TPR: variants seen among roughly 807,000 people sequenced by gnomAD.
TPR encodes nucleoprotein TPR.
TPR carries 51 observed loss-of-function variants against 316.1 expected under a neutral mutation model. The observed-to-expected ratio is 0.16, with a 90% CI of 0.13 to 0.20. The LOEUF (loss-of-function observed/expected upper bound fraction) is 0.20, where lower values mean the gene tolerates loss of function less well. Ranked by LOEUF, TPR falls within the 10% of genes least tolerant of loss-of-function variation. TPR has a pLI of 1.00. For synonymous variants in TPR, 981 were observed against 914.7 expected (o/e 1.07, Z -1.31); for missense variants, 2,272 against 2,754.8 (o/e 0.82, Z 3.92).
chr1:186,336,345 T>C, intron 33 of TPR, 151 bp downstream of exon 33: 1 of 718,668 alleles, frequency 1.4e-6, no homozygotes, highest in South Asian at 1.9e-5. Context: ...GCTCTTTGTG[T>C]CCAACTAATT....
rs989546150 is a variant in TPR, at chr1:186,364,387, A to C, written c.428-942T>G. Among the ~76,000 whole-genome samples the C allele has an allele frequency of 2.0e-5, 3 of 152,130 alleles. No individual in the cohort carries two copies. The South Asian group carries it at 6.2e-4, about 31-fold the overall frequency. ...CCAGTATATGGACCGTTGTTTAAAA[A>C]AAAAAAAAGAAATAAAAAGAAAATT... is the stretch of plus-strand genomic sequence containing the variant. On this transcript the variant is annotated intron_variant, in intron 4 of 50. Transcript: ENST00000367478.
chr1:186,356,876 C>G (rs1659044465), intron 14 of TPR, among the ~76,000 whole-genome samples: 1 of 152,212 alleles, frequency 6.6e-6, no homozygotes, highest in African/African-American at 2.4e-5. Context: ...CAGATAGGCA[C>G]TAATCACAGT....
At chr1:186,322,641 A>G in intron 43 of TPR, 55 bp from the exon 44 acceptor site, 1 of 1,554,848 alleles carries the variant, frequency 6.4e-7, no homozygotes, top group Non-Finnish European at 8.9e-7. Context: ...GCAATGAAAC[A>G]AACACCAAAT....
Position 186,313,904 on chromosome 1 carries a change from CTT to C in TPR, c.*65_*66del, listed in dbSNP as rs1657468861. On this transcript the variant is annotated 3_prime_UTR_variant, in exon 51 of 51. Transcript: ENST00000367478. ...GTTTATATATAAAAATGTTTTTAAA[CTT>C]GACAATCATTACACTAAAACAGATT... 2 of 1,561,340 alleles carry C rather than the reference CTT, an allele frequency of 1.3e-6. No homozygotes were observed. Among genetic ancestry groups the C allele is most frequent in the Middle Eastern group, 3.4e-4 (2 of 5,942 alleles).
intron 14 of TPR, chr1:186,356,681 A>G: frequency 2.3e-6 from 1 of 426,406 alleles, no homozygotes; most frequent in East Asian, 3.5e-5. Flanking sequence ...GTAAAAATTA[A>G]ATCAGTTCCA....
chr1:186,359,775 C>A, intron 12 of TPR, 24 bp downstream of exon 12: 1 of 1,568,002 alleles, frequency 6.4e-7, no homozygotes, highest in Non-Finnish European at 8.6e-7. Context: ...GTTACCACGG[C>A]TAAATTTTAG....
rs779932584 is a variant in TPR at position 186,318,566 on chromosome 1, C to G, written c.6702G>C (p.Ser2234=). Residue 2234 remains serine, a synonymous_variant, in exon 48 of 51, where the codon TCG becomes TCC. Transcript: ENST00000367478. ...TTGGAACAGATTGAGAGGCATGTTC[C>G]GAAGCATCAGAGGTGGTGCTCTCAG... ...VFTESTTSDA[S]EHASQSVPMV... The G allele has an allele frequency of 1.2e-6, 2 of 1,613,692 alleles. No individual in the cohort carries two copies. The highest frequency in any genetic ancestry group is 1.7e-6 in the Non-Finnish European group (2 of 1,179,920).
intron 4 of TPR, 115 bp from the exon 5 acceptor site, chr1:186,363,560 C>A: frequency 1.6e-6 from 1 of 641,518 alleles, no homozygotes; most frequent in Non-Finnish European, 2.6e-6. Flanking sequence ...CACAGCTGGC[C>A]CTTGAATAAC....
intron 43 of TPR, 64 bp from the exon 44 acceptor site, chr1:186,322,650 A>G: frequency 1.4e-6 from 2 of 1,477,924 alleles, no homozygotes; most frequent in South Asian, 2.3e-5. Flanking sequence ...CAAACACCAA[A>G]TATCAACAGA....
chr1:186,373,055 TAGAC>T lies in TPR; in HGVS notation c.256+300_256+303del, dbSNP rs1167899590. Among the ~76,000 whole-genome samples, 5 of 152,210 alleles carry T rather than the reference TAGAC, an allele frequency of 3.3e-5. No homozygotes were observed. The East Asian group carries it at 9.6e-4, about 29-fold the overall frequency. On this transcript the variant is annotated intron_variant, in intron 2 of 50. Transcript: ENST00000367478. ...CATTTGATTTACAAAGCTGTCTAGG[TAGAC>T]AGACATGTGGGTCTAACCATTTTAT...
chr1:186,312,650 C>T lies in TPR; in HGVS notation c.*1321G>A. 8.2e-6 allele frequency: 9 copies of T among 1,103,076 alleles called. No homozygotes were observed. Among genetic ancestry groups the T allele is most frequent in the Non-Finnish European group, 1.2e-5 (9 of 728,052 alleles). The allele number at this position is 1,103,076 out of a possible 1,614,324, so 68.3% of individuals were successfully genotyped here. A position where few individuals can be genotyped will look rare whatever the true frequency, so the allele number is the denominator to read the frequency against. ...AAGAACATTATATACCAGTCTATAA[C>T]CCTCAATAGTTCTACATCAGAGGGC... On this transcript the variant is annotated 3_prime_UTR_variant, in exon 51 of 51. Transcript: ENST00000367478.
At position 186,359,837 on chromosome 1, in the gene TPR, C is replaced by T; in HGVS notation, c.1351G>A (p.Val451Ile). ...REEYERAQKA[V>I]ASLSVKLEQA... Reference sequence around the variant, plus strand: ...TCAAGCTTAACAGATAAACTTGCTACAGCTTTCTGTGCACGTTCATATTCC... The same window carrying T: ...TCAAGCTTAACAGATAAACTTGCTATAGCTTTCTGTGCACGTTCATATTCC... The change falls in exon 12 of 51, where the codon GTA (valine) becomes ATA (isoleucine). Residue 451 changes from valine (V) to isoleucine (I), a missense_variant. Val to Ile is a conservative substitution (Grantham distance 29, BLOSUM62 3). Transcript: ENST00000367478. 6.3e-7 allele frequency: 1 copy of T among 1,589,196 alleles called. No homozygotes were observed. Among genetic ancestry groups the T allele is most frequent in the African/African-American group, 1.4e-5 (1 of 72,948 alleles).
At position 186,339,625 on chromosome 1, in the gene TPR, G is replaced by T; in HGVS notation, c.4151+17C>A. The T allele has an allele frequency of 3.3e-6, 5 of 1,525,238 alleles. No homozygotes were observed. The highest frequency in any genetic ancestry group is 1.3e-5 in the South Asian group (1 of 75,362). 94.5% of individuals were successfully genotyped at this position (1,525,238 alleles called of 1,614,324 possible). Reference sequence around the variant, plus strand: ...TTCTTTTATATTATATATGATTTAAGGCTTCTTTCCATATACCTTGCAATT... The same window carrying T: ...TTCTTTTATATTATATATGATTTAATGCTTCTTTCCATATACCTTGCAATT... On this transcript the variant is annotated intron_variant, in intron 30 of 50. Coordinates refer to ENST00000367478, the MANE Select transcript of TPR (RefSeq NM_003292.3).
At chr1:186,356,162 C>A in intron 15 of TPR, 124 bp downstream of exon 15, 1 of 796,490 alleles carries the variant, frequency 1.3e-6, no homozygotes, top group Non-Finnish European at 1.9e-6. Context: ...ATGTTATAAG[C>A]AATTATATAT....
chr1:186,367,279 C>A (rs1019303552), intron 4 of TPR, among the ~76,000 whole-genome samples: 2 of 151,968 alleles, frequency 1.3e-5, no homozygotes, highest in African/African-American at 4.8e-5. Flanking sequence ...CTTGGCCAGG[C>A]TGCTCTTGGA....
In TPR at chr1:186,321,681, CT is replaced by C. The variant is rs112105988; in HGVS notation, c.6461+636del. Reference sequence around the variant, plus strand: ...CATCCGCGTTAAATCATCTCATATTCTTTCTCATTAGTTGTTGAAATAAATT... The same window carrying C: ...CATCCGCGTTAAATCATCTCATATTCTTCTCATTAGTTGTTGAAATAAATT... On this transcript the variant is annotated intron_variant, in intron 45 of 50. Transcript: ENST00000367478. Among the ~76,000 whole-genome samples the C allele has an allele frequency of 7.0e-3, 1,059 of 152,326 alleles. 20 individuals carry two copies. Among genetic ancestry groups the C allele is most frequent in the African/African-American group, 0.025 (1,022 of 41,572 alleles).
chr1:186,361,043 G>T, intron 9 of TPR, 138 bp from the exon 10 acceptor site: 2 of 898,606 alleles, frequency 2.2e-6, no homozygotes, highest in Non-Finnish European at 3.2e-6. Context: ...AGTATCTATT[G>T]AAAGTTCTTG....
chr1:186,349,716 C>T (rs1234767756), intron 21 of TPR, among the ~76,000 whole-genome samples: 3 of 150,904 alleles, frequency 2.0e-5, no homozygotes, highest in African/African-American at 7.3e-5. Context: ...ATTATCAAGA[C>T]ACAAAGGCTT....
Position 186,318,815 on chromosome 1 carries a change from A to G in TPR, c.6582T>C (p.Tyr2194=), listed in dbSNP as rs777547174. The G allele has an allele frequency of 3.1e-5, 50 of 1,614,056 alleles. No individual in the cohort carries two copies. Among genetic ancestry groups the G allele is most frequent in the Non-Finnish European group, 3.9e-5 (46 of 1,180,024 alleles). ...CATGAGCTAGGAACAGGGGTGTTTC[A>G]TACATTCCTAAACCTAAAGACAATT... ...QLASQGGLGM[Y]ETPLFLAHEE... Residue 2194 remains tyrosine (Y), a synonymous_variant, in exon 47 of 51, where the codon TAT becomes TAC. Coordinates refer to ENST00000367478, the MANE Select transcript of TPR (RefSeq NM_003292.3).
Sources: allele counts gnomAD v4.1 joint callset (sites outside exome capture counted in the v4.1 genomes callset), GRCh38; gene constraint gnomAD v4.1.1; transcripts MANE v1.5; gene names NCBI Gene and HGNC (gene_info 2026-07-23, HGNC 2026-07-21).